The following SLC35F1 variants were observed in gnomAD, a reference collection of about 807,000 sequenced individuals.
The protein encoded by SLC35F1 is chromosome 6 open reading frame 169.
Under a neutral mutation model 48.7 loss-of-function variants are expected in SLC35F1, and 14 were observed. That is an observed-to-expected ratio of 0.29 (90% CI 0.19 to 0.45). The LOEUF (loss-of-function observed/expected upper bound fraction) is 0.45. Ranked by LOEUF, SLC35F1 falls within the 20% of genes least tolerant of loss-of-function variation. SLC35F1 has a pLI of 1.00. For synonymous variants in SLC35F1, 190 were observed against 202.2 expected (o/e 0.94, Z 0.51); for missense variants, 404 against 500.0 (o/e 0.81, Z 1.83).
At chr6:118,133,111 G>T (rs989818982) in intron 1 of SLC35F1, among the ~76,000 whole-genome samples, 16 of 152,126 alleles carry the variant, frequency 1.1e-4, no homozygotes, top group Non-Finnish European at 2.4e-4. Flanking sequence ...GTTATATGGT[G>T]TATCTGAACA....
chr6:118,235,311 GA>G (rs1442053217), intron 2 of SLC35F1, among the ~76,000 whole-genome samples, 197 bp from the exon 3 acceptor site: 1 of 152,106 alleles, frequency 6.6e-6, no homozygotes, highest in East Asian at 1.9e-4. Context: ...AAAGTAACTT[GA>G]AAAGCCAAAA....
rs139490700 is a variant in SLC35F1, at chr6:118,062,048, T to C, written c.174-92397T>C. Among the ~76,000 whole-genome samples, 742 of 146,608 alleles carry C rather than the reference T, an allele frequency of 5.1e-3. 5 individuals carry two copies. Among genetic ancestry groups the C allele is most frequent in the African/African-American group, 0.018 (696 of 39,588 alleles). ...TTACCCATATTCTAGTGGATACCTA[T>C]TTTTTCTTAGTTTTAGAAAAAAAAA... On this transcript the variant is annotated intron_variant, in intron 1 of 7. Transcript: ENST00000360388.
chr6:118,152,713 C>A (rs1208836671), intron 1 of SLC35F1, among the ~76,000 whole-genome samples: 8 of 152,176 alleles, frequency 5.3e-5, no homozygotes, highest in Non-Finnish European at 1.2e-4. Context: ...CCCCCACATT[C>A]TGTTGGTCAG....
chr6:117,925,449 C>G (rs1407119569), intron 1 of SLC35F1, among the ~76,000 whole-genome samples: 1 of 152,176 alleles, frequency 6.6e-6, no homozygotes, highest in Non-Finnish European at 1.5e-5. Flanking sequence ...AGGAAACTAG[C>G]TGGGTCCTTG....
chr6:118,013,241 T>C (rs1458623135), intron 1 of SLC35F1, among the ~76,000 whole-genome samples: 1 of 152,138 alleles, frequency 6.6e-6, no homozygotes, highest in African/African-American at 2.4e-5. Context: ...CCAGTGCCCA[T>C]GTGGGGACTT....
chr6:118,031,593 G>T (rs1283698612), intron 1 of SLC35F1, among the ~76,000 whole-genome samples: 2 of 152,128 alleles, frequency 1.3e-5, no homozygotes, highest in African/African-American at 2.4e-5. Flanking sequence ...CTTCACCCAA[G>T]AAATAATTCA....
intron 1 of SLC35F1, among the ~76,000 whole-genome samples, chr6:118,048,563 C>A (rs1386996562): frequency 6.6e-6 from 1 of 152,092 alleles, no homozygotes; most frequent in Non-Finnish European, 1.5e-5. Context: ...TTCTTATACA[C>A]CAATAACAGA....
intron 2 of SLC35F1, among the ~76,000 whole-genome samples, chr6:118,165,865 A>G (rs1774310361): frequency 1.3e-5 from 2 of 152,202 alleles, no homozygotes; most frequent in South Asian, 4.1e-4. Context: ...ATTCAGATGC[A>G]TTACCAGAGG....
At chr6:118,272,537 A>T (rs1775865486) in intron 4 of SLC35F1, among the ~76,000 whole-genome samples, 1 of 152,122 alleles carries the variant, frequency 6.6e-6, no homozygotes, top group African/African-American at 2.4e-5. Context: ...AATATTTTAT[A>T]TGTTATTAAT....
At chr6:118,158,114 T>C (rs533374153) in intron 2 of SLC35F1, among the ~76,000 whole-genome samples, 84 of 152,282 alleles carry the variant, frequency 5.5e-4, no homozygotes, top group African/African-American at 2.0e-3. Context: ...ATTTCTAAAA[T>C]ACCCTCTGGA....
intron 1 of SLC35F1, among the ~76,000 whole-genome samples, chr6:117,925,290 T>C (rs541122514): frequency 6.6e-6 from 1 of 152,214 alleles, no homozygotes; most frequent in Admixed American, 6.5e-5. Context: ...ATAAAGGACT[T>C]GCATTTAGAT....
intron 1 of SLC35F1, among the ~76,000 whole-genome samples, chr6:118,079,053 A>AT (rs997009017): frequency 3.9e-5 from 6 of 152,154 alleles, no homozygotes; most frequent in African/African-American, 1.4e-4. Flanking sequence ...AAAATTTAAG[A>AT]TTTTTTGTAT....
chr6:117,961,644 T>A (rs566017215), intron 1 of SLC35F1, among the ~76,000 whole-genome samples: 14 of 152,342 alleles, frequency 9.2e-5, no homozygotes, highest in South Asian at 8.3e-4. Context: ...CCATTTTTTT[T>A]ATTCCACTAT....
chr6:118,213,120 C>T (rs1228659310), intron 2 of SLC35F1, among the ~76,000 whole-genome samples: 4 of 151,242 alleles, frequency 2.6e-5, no homozygotes, highest in African/African-American at 9.7e-5. Flanking sequence ...TACTCCAGTT[C>T]TGTTCAGATT....
intron 1 of SLC35F1, among the ~76,000 whole-genome samples, chr6:117,934,780 A>G (rs970262017): frequency 6.6e-6 from 1 of 152,200 alleles, no homozygotes; most frequent in Non-Finnish European, 1.5e-5. Flanking sequence ...TACAGAGTTC[A>G]GTGTATAACC....
intron 1 of SLC35F1, among the ~76,000 whole-genome samples, chr6:118,018,327 C>T (rs1466050981): frequency 2.6e-5 from 4 of 151,300 alleles, no homozygotes; most frequent in Non-Finnish European, 5.9e-5. Flanking sequence ...GCTGAGATCG[C>T]GCCACTGCAT....
chr6:118,198,259 C>T (rs1242221710), intron 2 of SLC35F1, among the ~76,000 whole-genome samples: 1 of 152,312 alleles, frequency 6.6e-6, no homozygotes, highest in Non-Finnish European at 1.5e-5. Flanking sequence ...TATGTCATTG[C>T]TCACAGATAT....
chr6:118,041,784 A>C (rs1408188590), intron 1 of SLC35F1, among the ~76,000 whole-genome samples: 1 of 152,154 alleles, frequency 6.6e-6, no homozygotes. Flanking sequence ...GGTGTATCAG[A>C]AAGACAGAAG....
At chr6:117,939,580 T>C (rs566129308) in intron 1 of SLC35F1, among the ~76,000 whole-genome samples, 1 of 152,278 alleles carries the variant, frequency 6.6e-6, no homozygotes, top group East Asian at 1.9e-4. Context: ...TCAGAGTCAG[T>C]TGGAATCCAA....
Sources: gnomAD v4.1 joint callset for allele counts (sites outside exome capture counted in the v4.1 genomes callset) on GRCh38, gnomAD v4.1.1 for gene constraint, MANE v1.5 for transcripts, NCBI Gene and HGNC (gene_info 2026-07-23, HGNC 2026-07-21) for gene names.